The following RAP1GAP2 variants were observed in gnomAD, a reference collection of about 807,000 sequenced individuals.
RAP1GAP2 encodes RAP1 GTPase activating protein 2.
Under a neutral mutation model 95.0 loss-of-function variants are expected in RAP1GAP2, and 27 were observed. The ratio of observed to expected loss-of-function variants is 0.28; its 90% CI spans 0.21 to 0.39. RAP1GAP2 has a LOEUF of 0.39. RAP1GAP2 is among the 10% of genes least tolerant of loss of function. The pLI is 1.00. For missense variants in RAP1GAP2, 771 were observed against 970.0 expected (o/e 0.79, Z 2.72); for synonymous variants, 373 against 380.9 (o/e 0.98, Z 0.24).
rs946922151 is a variant in RAP1GAP2 at position 2,902,740 on chromosome 17, G to A, written c.81-2544G>A. On this transcript the variant is annotated intron_variant, in intron 2 of 24. Transcript: ENST00000254695. This position sits in a 1 kb window ranked among gnomAD's most constrained non-coding sequence, Gnocchi z 4.1. ...GAGTCTGCCTCGCTTCCTAGAGACCGGCCCCAGGAGCTTATCCAGTGTCCA... is the reference window on the plus strand; with the variant it reads ...GAGTCTGCCTCGCTTCCTAGAGACCAGCCCCAGGAGCTTATCCAGTGTCCA... Among the ~76,000 whole-genome samples, 4 of 152,048 alleles carry A rather than the reference G, an allele frequency of 2.6e-5. No homozygotes were observed. Among genetic ancestry groups the A allele is most frequent in the Non-Finnish European group, 5.9e-5 (4 of 68,014 alleles).
At chr17:2,853,089 G>C (rs1258379158) in intron 2 of RAP1GAP2, among the ~76,000 whole-genome samples, 1 of 152,160 alleles carries the variant, frequency 6.6e-6, no homozygotes, top group East Asian at 1.9e-4. Context: ...AAACTCCCAG[G>C]GCCGGGAGAG....
intron 3 of RAP1GAP2, among the ~76,000 whole-genome samples, chr17:2,920,074 G>A (rs1458339696): frequency 6.6e-6 from 1 of 150,850 alleles, no homozygotes; most frequent in Non-Finnish European, 1.5e-5. Flanking sequence ...GTGCGATCAG[G>A]GCTCACTGCA....
chr17:2,953,959 G>A (rs1567817559), intron 3 of RAP1GAP2, among the ~76,000 whole-genome samples: 1 of 152,144 alleles, frequency 6.6e-6, no homozygotes, highest in African/African-American at 2.4e-5. Flanking sequence ...GCTTTGAAAC[G>A]AAATCCGTAC....
chr17:2,987,236 A>C (rs953048321), intron 11 of RAP1GAP2, among the ~76,000 whole-genome samples: 1 of 152,236 alleles, frequency 6.6e-6, no homozygotes, highest in Non-Finnish European at 1.5e-5. Context: ...TTCACAGACC[A>C]TATCCAGGAT....
upstream of RAP1GAP2, among the ~76,000 whole-genome samples, chr17:2,772,191 A>G (rs950496248): frequency 5.3e-5 from 8 of 151,950 alleles, no homozygotes; most frequent in East Asian, 5.9e-4. Flanking sequence ...GGGTTTCACC[A>G]TGGTCAGGCT....
chr17:2,828,546 G>C (rs1336465555), intron 2 of RAP1GAP2, among the ~76,000 whole-genome samples: 1 of 152,130 alleles, frequency 6.6e-6, no homozygotes, highest in Non-Finnish European at 1.5e-5. Flanking sequence ...TGAGGAAGGA[G>C]GCCCCTGAAG....
At chr17:2,810,730 C>T (rs1224073199) in intron 2 of RAP1GAP2, among the ~76,000 whole-genome samples, 17 of 152,110 alleles carry the variant, frequency 1.1e-4, no homozygotes, top group Admixed American at 1.1e-3. Flanking sequence ...GGGGTTTCAC[C>T]ACGTTGGTCA....
chr17:2,781,526 ACG>A, intron 1 of RAP1GAP2, among the ~76,000 whole-genome samples: 1 of 150,630 alleles, frequency 6.6e-6, no homozygotes, highest in African/African-American at 2.5e-5. Context: ...CCGTGTGAGC[ACG>A]TCTCTGTGTG....
chr17:2,992,345 A>G (rs2045791437), intron 12 of RAP1GAP2, among the ~76,000 whole-genome samples: 1 of 151,856 alleles, frequency 6.6e-6, no homozygotes, highest in Admixed American at 6.6e-5. Context: ...TATTTTTGGT[A>G]GAGACGGGGT....
At chr17:2,883,831 AG>A (rs1226861866) in intron 2 of RAP1GAP2, among the ~76,000 whole-genome samples, 3 of 152,226 alleles carry the variant, frequency 2.0e-5, no homozygotes, top group African/African-American at 7.2e-5. Flanking sequence ...TGACCCAGAT[AG>A]GGAGGTGGGT....
At chr17:2,763,109 A>G (rs1402436015) in intron 1 of RAP1GAP2, among the ~76,000 whole-genome samples, 2 of 152,216 alleles carry the variant, frequency 1.3e-5, no homozygotes, top group East Asian at 3.8e-4. Flanking sequence ...TGGAGATGGC[A>G]GTTTACTTTT....
intron 3 of RAP1GAP2, among the ~76,000 whole-genome samples, chr17:2,927,191 T>C (rs957170966): frequency 2.0e-5 from 3 of 149,928 alleles, no homozygotes; most frequent in African/African-American, 7.4e-5. Context: ...TCTCGCTCTG[T>C]CACCCAGGCT....
intron 3 of RAP1GAP2, among the ~76,000 whole-genome samples, chr17:2,918,084 G>A (rs2042628119): frequency 1.3e-5 from 2 of 152,038 alleles, no homozygotes; most frequent in Admixed American, 1.3e-4. Context: ...GAATAGGGAT[G>A]TATTAGCCCT....
chr17:2,769,568 A>G (rs1346569178), intron 1 of RAP1GAP2, among the ~76,000 whole-genome samples: 1 of 151,784 alleles, frequency 6.6e-6, no homozygotes, highest in Non-Finnish European at 1.5e-5. Flanking sequence ...AAAATAAAAT[A>G]AAATGAAATA....
At chr17:2,812,533 G>C (rs1187258507) in intron 2 of RAP1GAP2, among the ~76,000 whole-genome samples, 5 of 152,154 alleles carry the variant, frequency 3.3e-5, no homozygotes, top group Admixed American at 2.6e-4. Context: ...ACTCTGATGG[G>C]CTTCTCATGC....
chr17:2,960,457 C>T lies in RAP1GAP2; in HGVS notation c.202-2213C>T, dbSNP rs577640751. Among the ~76,000 whole-genome samples the T allele has an allele frequency of 3.9e-5, 6 of 152,330 alleles. 1 individual carries two copies. In the South Asian group the frequency reaches 1.0e-3, roughly 26 times the overall value. On this transcript the variant is annotated intron_variant, in intron 4 of 24. Transcript: ENST00000254695. ...CTGTTCAGTGGGAACGGCCCTCCCA[C>T]GCCCTCCTGAACAATGCTGCAAGGC...
chr17:2,949,295 G>A (rs1246642657), intron 3 of RAP1GAP2, among the ~76,000 whole-genome samples: 1 of 152,196 alleles, frequency 6.6e-6, no homozygotes, highest in Non-Finnish European at 1.5e-5. Flanking sequence ...CCAATTACAT[G>A]CCTCTGTGAA....
intron 2 of RAP1GAP2, among the ~76,000 whole-genome samples, chr17:2,813,353 G>C (rs2069857343): frequency 6.6e-6 from 1 of 152,124 alleles, no homozygotes; most frequent in Non-Finnish European, 1.5e-5. Flanking sequence ...GGGAATACAG[G>C]CGTGAGCTGC....
At chr17:2,834,796 C>A (rs1468958673) in intron 2 of RAP1GAP2, among the ~76,000 whole-genome samples, 7 of 151,362 alleles carry the variant, frequency 4.6e-5, no homozygotes, top group African/African-American at 1.7e-4. Flanking sequence ...GACCCTGTCT[C>A]AAAAAAAAGA....
Sources: gnomAD v4.1 joint callset for allele counts (sites outside exome capture counted in the v4.1 genomes callset) on GRCh38, gnomAD v4.1.1 for gene constraint, Gnocchi (gnomAD v3.1) non-coding constraint, MANE v1.5 for transcripts, NCBI Gene and HGNC (gene_info 2026-07-23, HGNC 2026-07-21) for gene names.